Variants in USP4 observed in about 807,000 individuals in gnomAD.
The protein encoded by USP4 is ubiquitin carboxyl-terminal hydrolase 4.
Under a neutral mutation model 118.2 loss-of-function variants are expected in USP4, and 72 were observed. That is an observed-to-expected ratio of 0.61 (90% confidence interval 0.50 to 0.74). The LOEUF (loss-of-function observed/expected upper bound fraction) is 0.74, where lower values mean the gene tolerates loss of function less well. Ranked by LOEUF, USP4 falls within the 30% of genes least tolerant of loss-of-function variation. The pLI is 0.00. For synonymous variants in USP4, 415 were observed against 440.4 expected (o/e 0.94, Z 0.72); for missense variants, 1,037 against 1,185.7 (o/e 0.87, Z 1.84).
At chr3:49,280,559 CAAAAAAA>C (rs371988656) in intron 20 of USP4, among the ~76,000 whole-genome samples, 178 bp downstream of exon 20, 1 of 52,564 alleles carries the variant, frequency 1.9e-5, no homozygotes, top group Admixed American at 2.0e-4. Flanking sequence ...GACTCCGTCT[CAAAAAAA>C]AAAAAAAAAA....
intron 6 of USP4, chr3:49,317,493 G>C (rs1231510429): frequency 6.2e-6 from 4 of 648,974 alleles, no homozygotes; most frequent in South Asian, 1.7e-5. Context: ...TTTTTTTTTT[G>C]AGATGGAGTT....
chr3:49,300,576 GA>G lies in USP4; in HGVS notation c.1402del (p.Ser468LeufsTer2). ...TLVCPECAKV[S>X]VTFDPFCYLT... is the part of the protein sequence containing the mutation. ...ATAGCAAAATGGGTCAAAGGTCACA[GA>G]AACCTTAGCACATTCTGGGCAAACC... On this transcript the variant is annotated frameshift_variant, in exon 11 of 22. Coordinates refer to ENST00000265560, the MANE Select transcript of USP4 (RefSeq NM_003363.4). LOFTEE classifies it high-confidence loss of function. The G allele has an allele frequency of 6.2e-7, 1 of 1,614,234 alleles. No individual in the cohort carries two copies. The highest frequency in any genetic ancestry group is 8.5e-7 in the Non-Finnish European group (1 of 1,180,044).
chr3:49,321,697 T>C (rs1471470473), intron 6 of USP4, among the ~76,000 whole-genome samples: 1 of 152,114 alleles, frequency 6.6e-6, no homozygotes, highest in Non-Finnish European at 1.5e-5. Context: ...ACCTGGCCTA[T>C]TATTGATTTT....
chr3:49,280,042 C>G (rs1002482589), intron 20 of USP4, among the ~76,000 whole-genome samples: 1 of 151,676 alleles, frequency 6.6e-6, no homozygotes, highest in East Asian at 1.9e-4. Context: ...CAGGGTGGTT[C>G]GCTTGAGCCC....
chr3:49,313,681 A>G (rs1253629911), intron 6 of USP4, among the ~76,000 whole-genome samples: 2 of 152,216 alleles, frequency 1.3e-5, no homozygotes, highest in African/African-American at 4.8e-5. Context: ...CAAATTTGCC[A>G]GTGTAACCTC....
chr3:49,309,096 AGCTCT>A (rs2047353083), intron 8 of USP4, among the ~76,000 whole-genome samples: 1 of 151,708 alleles, frequency 6.6e-6, no homozygotes, highest in Non-Finnish European at 1.5e-5. Context: ...AAACAACAGA[AGCTCT>A]ACATTTTGAT....
In USP4 at chr3:49,278,155, T is replaced by C; in HGVS notation, c.*138A>G. The C allele has an allele frequency of 1.2e-6, 1 of 848,958 alleles. No homozygotes were observed. The highest frequency in any genetic ancestry group is 1.6e-6 in the Non-Finnish European group (1 of 606,954). 52.6% of individuals were successfully genotyped at this position (848,958 alleles called of 1,614,324 possible). A position where few individuals can be genotyped will look rare whatever the true frequency, so the allele number is the denominator to read the frequency against. ...GTAAACGGTCTTCTTTTTTTTTTTT[T>C]GTTTCCTTCTGCTCATAAAAGAAGG... On this transcript the variant is annotated 3_prime_UTR_variant, in exon 22 of 22. Coordinates refer to ENST00000265560, the MANE Select transcript of USP4 (RefSeq NM_003363.4).
At chr3:49,307,881 T>C (rs2047335892) in intron 8 of USP4, among the ~76,000 whole-genome samples, 1 of 152,022 alleles carries the variant, frequency 6.6e-6, no homozygotes, top group Admixed American at 6.6e-5. Context: ...TACACACTTG[T>C]AGTCCCAGCT....
rs114995457 is a variant in USP4 at position 49,294,746 on chromosome 3, G to A, written c.1692-148C>T. ...AGGTGGCTATAACTATTGCCAAGAC[G>A]TTTCTAGAGGTTGAGTCAGGAATCC... On this transcript the variant is annotated intron_variant, in intron 13 of 21. Coordinates refer to ENST00000265560, the MANE Select transcript of USP4 (RefSeq NM_003363.4). 423 of 717,972 alleles carry A rather than the reference G, an allele frequency of 5.9e-4. 2 individuals carry two copies. The Middle Eastern group carries it at 9.2e-3, about 16-fold the overall frequency. 44.5% of individuals were successfully genotyped at this position (717,972 alleles called of 1,614,324 possible).
intron 3 of USP4, among the ~76,000 whole-genome samples, chr3:49,327,365 G>A (rs1423624315): frequency 1.3e-5 from 2 of 152,044 alleles, no homozygotes; most frequent in Non-Finnish European, 2.9e-5. Context: ...GCGAAACCCC[G>A]TCTCTACTAA....
chr3:49,278,686 CAGCTCTGTCACACCT>C, intron 21 of USP4, 113 bp downstream of exon 21: 1 of 877,934 alleles, frequency 1.1e-6, no homozygotes, highest in South Asian at 1.6e-5. Context: ...GAATGCCAGC[CAGCTCTGTCACACCT>C]AGCTCCCACT....
At chr3:49,313,444 C>G (rs2047406607) in intron 6 of USP4, among the ~76,000 whole-genome samples, 1 of 152,022 alleles carries the variant, frequency 6.6e-6, no homozygotes, top group African/African-American at 2.4e-5. Flanking sequence ...AGGAGAACTG[C>G]TTGAACCCAG....
At chr3:49,292,746 A>G in intron 14 of USP4, 148 bp from the exon 15 acceptor site, 1 of 576,796 alleles carries the variant, frequency 1.7e-6, no homozygotes, top group South Asian at 2.2e-5. Flanking sequence ...GTGCTTTAGA[A>G]TTATCCACTG....
rs986504485 is a variant in USP4, at chr3:49,290,734, C to T, written c.1972+1776G>A. 3.9e-5 allele frequency among the ~76,000 whole-genome samples: 6 copies of T among 152,190 alleles called. No homozygotes were observed. The East Asian group carries it at 5.8e-4, about 15-fold the overall frequency. On this transcript the variant is annotated intron_variant, in intron 15 of 21. Coordinates refer to ENST00000265560, the MANE Select transcript of USP4 (RefSeq NM_003363.4). ...TTCACCGTGTTGGCCAGGCTAGTCT[C>T]GAACTCCTGACCTCAGATGATCTGC...
At chr3:49,296,576 G>A (rs1228658297) in intron 13 of USP4, among the ~76,000 whole-genome samples, 3 of 152,170 alleles carry the variant, frequency 2.0e-5, no homozygotes, top group Non-Finnish European at 2.9e-5. Context: ...ATGAACCCGG[G>A]AGGCAGAGCT....
At chr3:49,310,093 T>C (rs1050362751) in intron 8 of USP4, among the ~76,000 whole-genome samples, 2 of 150,760 alleles carry the variant, frequency 1.3e-5, no homozygotes, top group African/African-American at 4.9e-5. Context: ...GGACTACAGA[T>C]GCATGCCACC....
intron 16 of USP4, among the ~76,000 whole-genome samples, chr3:49,285,393 A>G (rs191135253): frequency 2.0e-5 from 3 of 152,090 alleles, no homozygotes; most frequent in African/African-American, 4.8e-5. Context: ...GGGAAGATTA[A>G]GCTGAAAAGT....
chr3:49,292,732 A>G, intron 14 of USP4, 134 bp from the exon 15 acceptor site: 1 of 615,812 alleles, frequency 1.6e-6, no homozygotes, highest in South Asian at 2.1e-5. Flanking sequence ...TTATGTAAAT[A>G]GAAGTGCTTT....
chr3:49,337,491 A>G (rs1157589888), intron 1 of USP4, among the ~76,000 whole-genome samples: 1 of 152,172 alleles, frequency 6.6e-6, no homozygotes, highest in Non-Finnish European at 1.5e-5. Context: ...GTGCAGTGGC[A>G]CAATCATAGC....
Sources: gnomAD v4.1 joint callset for allele counts (sites outside exome capture counted in the v4.1 genomes callset) on GRCh38, gnomAD v4.1.1 for gene constraint, MANE v1.5 for transcripts, NCBI Gene and HGNC (gene_info 2026-07-23, HGNC 2026-07-21) for gene names.